Variants in WDR31 observed in about 807,000 individuals in gnomAD.
WDR31 encodes the protein WD repeat-containing protein 31.
In WDR31, 30 loss-of-function variants were observed where a neutral mutation model predicts 47.3. That is an observed-to-expected ratio of 0.63 (90% CI 0.47 to 0.86). The LOEUF (loss-of-function observed/expected upper bound fraction) is 0.86, where lower values mean the gene tolerates loss of function less well. WDR31 is among the 40% of genes least tolerant of loss of function. WDR31 has a pLI of 0.00. For synonymous variants in WDR31, 137 were observed against 159.4 expected (o/e 0.86, Z 1.06); for missense variants, 406 against 442.9 (o/e 0.92, Z 0.75).
chr9:113,320,366 A>G lies in WDR31; in HGVS notation c.771T>C (p.Cys257=), dbSNP rs763325727. 16 of 1,614,062 alleles carry G rather than the reference A, an allele frequency of 9.9e-6. No individual in the cohort carries two copies. The South Asian group carries it at 1.6e-4, about 17-fold the overall frequency. ...TCACACAGTCTCCTACCGTGGCTTC[A>G]CAGCCTTCTCCTCCAAAGCCATTGC... ...SCSNGFGGEG[C]EATLWDLRQT... Residue 257 remains cysteine (C), a synonymous_variant, in exon 9 of 11, where the codon TGT becomes TGC. Transcript: ENST00000374193.
intron 8 of WDR31, 177 bp downstream of exon 8, chr9:113,321,334 A>G (rs1018546531): frequency 1.6e-6 from 1 of 622,108 alleles, no homozygotes; most frequent in Non-Finnish European, 2.8e-6. Context: ...CACAACCTCT[A>G]CCTTAATGAT....
At chr9:113,327,726 C>T (rs990065152) in intron 5 of WDR31, among the ~76,000 whole-genome samples, 4 of 151,806 alleles carry the variant, frequency 2.6e-5, no homozygotes, top group East Asian at 1.9e-4. Context: ...CGGCCTCGGG[C>T]GAATCACTTG....
rs1348953625 is a variant in WDR31, at chr9:113,331,124, G to C, written c.117-8C>G. Reference sequence around the variant, plus strand: ...ATAATTTCATCAGGCCTGCTAAAAAGAGTATAGAAAATGAGAGACCCAATG... The same window carrying C: ...ATAATTTCATCAGGCCTGCTAAAAACAGTATAGAAAATGAGAGACCCAATG... On this transcript the variant is annotated splice_polypyrimidine_tract_variant and splice_region_variant and intron_variant, in intron 3 of 10. Coordinates refer to ENST00000374193, the MANE Select transcript of WDR31 (RefSeq NM_001012361.4). 2.3e-6 allele frequency: 3 copies of C among 1,296,948 alleles called. No individual in the cohort carries two copies. The highest frequency in any genetic ancestry group is 1.6e-5 in the African/African-American group (1 of 63,868). 80.3% of individuals were successfully genotyped at this position (1,296,948 alleles called of 1,614,324 possible).
At chr9:113,329,118 C>T (rs893846465) in intron 4 of WDR31, among the ~76,000 whole-genome samples, 163 bp from the exon 5 acceptor site, 6 of 152,238 alleles carry the variant, frequency 3.9e-5, no homozygotes, top group Non-Finnish European at 5.9e-5. Flanking sequence ...TCCCTCCTCA[C>T]GTGCCCCTCC....
chr9:113,316,000 A>C lies in WDR31; in HGVS notation c.*749T>G, dbSNP rs1833189926. On this transcript the variant is annotated 3_prime_UTR_variant, in exon 11 of 11. Coordinates refer to ENST00000374193, the MANE Select transcript of WDR31 (RefSeq NM_001012361.4). Reference sequence around the variant, plus strand: ...TTGCAAGTGAGATATTTTTGGCCTTAATCTTTGAATTTCAATGTTTTCTTA... The same window carrying C: ...TTGCAAGTGAGATATTTTTGGCCTTCATCTTTGAATTTCAATGTTTTCTTA... 1 of 152,160 alleles carries C rather than the reference A, an allele frequency of 6.6e-6. No homozygotes were observed. Among genetic ancestry groups the C allele is most frequent in the Non-Finnish European group, 1.5e-5 (1 of 68,018 alleles). The allele number at this position is 152,160 out of a possible 1,614,324, so 9.4% of individuals were successfully genotyped here.
intron 7 of WDR31, among the ~76,000 whole-genome samples, chr9:113,322,155 G>A (rs1400676349): frequency 6.6e-6 from 1 of 151,320 alleles, no homozygotes; most frequent in African/African-American, 2.4e-5. Context: ...CAGACACAAT[G>A]TCAGGTATTT....
chr9:113,335,124 G>T (rs745589668), intron 2 of WDR31, among the ~76,000 whole-genome samples: 1 of 152,126 alleles, frequency 6.6e-6, no homozygotes, highest in Non-Finnish European at 1.5e-5. Context: ...AGATTTACTT[G>T]TATCATCCCC....
chr9:113,318,733 C>G, intron 9 of WDR31, 96 bp from the exon 10 acceptor site: 1 of 1,322,164 alleles, frequency 7.6e-7, no homozygotes, highest in African/African-American at 1.4e-5. Context: ...CCTATTCCCT[C>G]CACTTACCTG....
intron 1 of WDR31, among the ~76,000 whole-genome samples, chr9:113,338,617 ATTT>A (rs35905911): frequency 7.2e-6 from 1 of 139,022 alleles, no homozygotes; most frequent in Admixed American, 7.2e-5. Flanking sequence ...GTGGTACGCT[ATTT>A]TTTTTTTTTT....
chr9:113,332,905 C>A (rs1399622887), intron 2 of WDR31, among the ~76,000 whole-genome samples: 1 of 152,166 alleles, frequency 6.6e-6, no homozygotes, highest in African/African-American at 2.4e-5. Context: ...TTAAAAAAGC[C>A]TGGCACCTCC....
intron 8 of WDR31, 22 bp from the exon 9 acceptor site, chr9:113,320,520 A>G (rs1418008221): frequency 6.2e-7 from 1 of 1,609,328 alleles, no homozygotes. Context: ...TAGGGCAGGA[A>G]ATTAGCTTGT....
In WDR31 at chr9:113,322,998, C is replaced by T. The variant is rs117306464; in HGVS notation, c.469+13G>A. 3.3e-5 allele frequency: 53 copies of T among 1,613,734 alleles called. No individual in the cohort carries two copies. The African/African-American group carries it at 4.1e-4, about 13-fold the overall frequency. On this transcript the variant is annotated intron_variant, in intron 6 of 10. Transcript: ENST00000374193. ...AGCACAAAGGCATTGGGAAGAGGTC[C>T]GCTTTGTTTTACCTGGACTCACAGC...
intron 9 of WDR31, among the ~76,000 whole-genome samples, chr9:113,319,994 C>G (rs1462084315): frequency 2.0e-5 from 3 of 152,142 alleles, no homozygotes; most frequent in Admixed American, 2.0e-4. Flanking sequence ...CCTTGTTGCC[C>G]AGGCTGGCCT....
intron 8 of WDR31, among the ~76,000 whole-genome samples, chr9:113,321,245 C>A (rs550763374): frequency 2.0e-5 from 3 of 152,236 alleles, no homozygotes; most frequent in Non-Finnish European, 2.9e-5. Context: ...TGAACACCTT[C>A]ACACAGCAGG....
At chr9:113,327,305 A>G (rs12337552) in intron 5 of WDR31, among the ~76,000 whole-genome samples, 25,740 of 152,170 alleles carry the variant, frequency 0.17, 2,993 homozygotes, top group African/African-American at 0.33. Flanking sequence ...ATCTAGGCAT[A>G]TAGGCCTCAC....
At chr9:113,316,979 G>A (rs975022877) in intron 10 of WDR31, 70 bp from the exon 11 acceptor site, 1 of 1,516,866 alleles carries the variant, frequency 6.6e-7, no homozygotes, top group Non-Finnish European at 8.9e-7. Flanking sequence ...GTCTTCATGA[G>A]AAATGCAAGG....
chr9:113,328,324 T>C (rs1242077505), intron 5 of WDR31, among the ~76,000 whole-genome samples: 1 of 152,244 alleles, frequency 6.6e-6, no homozygotes, highest in Non-Finnish European at 1.5e-5. Context: ...TTGTGGCTGA[T>C]GCCTAGTTTC....
chr9:113,331,632 A>G (rs1282267896), intron 3 of WDR31, among the ~76,000 whole-genome samples: 1 of 152,132 alleles, frequency 6.6e-6, no homozygotes, highest in African/African-American at 2.4e-5. Context: ...TTTTTTGTAG[A>G]GATGGGGTTT....
chr9:113,326,378 T>C (rs1564304986), intron 5 of WDR31, among the ~76,000 whole-genome samples: 2 of 150,014 alleles, frequency 1.3e-5, no homozygotes, highest in African/African-American at 5.0e-5. Context: ...CTTTCTTTCT[T>C]TCTCTTTCTT....
Sources: allele counts gnomAD v4.1 joint callset (sites outside exome capture counted in the v4.1 genomes callset), GRCh38; gene constraint gnomAD v4.1.1; transcripts MANE v1.5; gene names NCBI Gene and HGNC (gene_info 2026-07-23, HGNC 2026-07-21).